The following AGBL4 variants were observed in gnomAD, a reference collection of about 807,000 sequenced individuals.
AGBL4 encodes cytosolic carboxypeptidase 6.
A neutral mutation model predicts 66.4 loss-of-function variants in AGBL4; 58 were observed. The observed-to-expected ratio is 0.87, with a 90% CI of 0.71 to 1.09. The LOEUF is 1.09. AGBL4 is among the 50% of genes least tolerant of loss of function. AGBL4 has a pLI of 0.00. For missense variants in AGBL4, 579 were observed against 631.0 expected (o/e 0.92, Z 0.88); for synonymous variants, 234 against 222.9 (o/e 1.05, Z -0.44).
intron 5 of AGBL4, among the ~76,000 whole-genome samples, chr1:48,992,253 G>A (rs190959398): frequency 3.9e-4 from 59 of 152,114 alleles, no homozygotes; most frequent in Admixed American, 3.5e-3. Context: ...TTGCAGACTC[G>A]TAGATGTACT....
chr1:49,334,094 A>G (rs1193327637), intron 3 of AGBL4, among the ~76,000 whole-genome samples: 3 of 152,168 alleles, frequency 2.0e-5, no homozygotes, highest in Non-Finnish European at 4.4e-5. Flanking sequence ...AGCATCCCTG[A>G]AGTCATGTGC....
chr1:49,220,432 G>A (rs531018615), intron 4 of AGBL4, among the ~76,000 whole-genome samples: 48 of 152,214 alleles, frequency 3.2e-4, no homozygotes, highest in Admixed American at 2.5e-3. Context: ...TGAGATTCAC[G>A]TTCTTCCTTG....
At chr1:48,646,582 G>A (rs1447980155) in intron 8 of AGBL4, among the ~76,000 whole-genome samples, 2 of 146,464 alleles carry the variant, frequency 1.4e-5, no homozygotes, top group African/African-American at 5.0e-5. Context: ...CTTCCCTGGT[G>A]GTTTACCCTC....
chr1:49,454,251 T>C (rs1646342138), intron 3 of AGBL4, among the ~76,000 whole-genome samples: 2 of 151,626 alleles, frequency 1.3e-5, no homozygotes, highest in African/African-American at 4.8e-5. Flanking sequence ...CAAAATAAAC[T>C]CCTGGAGAAG....
intron 1 of AGBL4, among the ~76,000 whole-genome samples, chr1:49,917,947 A>G (rs907573731): frequency 4.6e-5 from 7 of 152,208 alleles, no homozygotes; most frequent in Admixed American, 3.9e-4. Flanking sequence ...AAACAGCTCA[A>G]CTACCTAGAA....
intron 6 of AGBL4, among the ~76,000 whole-genome samples, chr1:48,703,795 C>T (rs764129003): frequency 2.7e-4 from 41 of 151,978 alleles, no homozygotes; most frequent in Non-Finnish European, 5.3e-4. Flanking sequence ...AAGGGGATAT[C>T]AAGAAAAATA....
At chr1:49,031,381 T>G (rs966950894) in intron 5 of AGBL4, among the ~76,000 whole-genome samples, 15 of 151,930 alleles carry the variant, frequency 9.9e-5, no homozygotes, top group African/African-American at 3.6e-4. Context: ...ATATGCAAAA[T>G]AGCCTGATTT....
At chr1:49,727,942 GAT>G (rs1649155082) in intron 2 of AGBL4, among the ~76,000 whole-genome samples, 1 of 152,084 alleles carries the variant, frequency 6.6e-6, no homozygotes, top group Non-Finnish European at 1.5e-5. Context: ...GGTTCAATGA[GAT>G]ATTCCCAGCA....
intron 1 of AGBL4, among the ~76,000 whole-genome samples, chr1:49,907,889 AT>A (rs1441062167): frequency 6.6e-6 from 1 of 151,878 alleles, no homozygotes; most frequent in Non-Finnish European, 1.5e-5. Flanking sequence ...TGGAGAGGCT[AT>A]GTACATGTGG....
chr1:49,772,877 A>G (rs910346714), intron 2 of AGBL4, among the ~76,000 whole-genome samples: 1 of 152,194 alleles, frequency 6.6e-6, no homozygotes, highest in Admixed American at 6.5e-5. Flanking sequence ...CTGAATGTCC[A>G]TATCTCTCAA....
At chr1:49,536,681 C>T (rs1307735783) in intron 3 of AGBL4, among the ~76,000 whole-genome samples, 1 of 152,078 alleles carries the variant, frequency 6.6e-6, no homozygotes. Flanking sequence ...AACAAAATAG[C>T]ATGGTATTGG....
intron 11 of AGBL4, among the ~76,000 whole-genome samples, chr1:48,574,733 C>T (rs925948123): frequency 1.4e-4 from 21 of 152,146 alleles, no homozygotes; most frequent in African/African-American, 4.3e-4. Flanking sequence ...CAAGCACGGC[C>T]ACAACCCCAG....
At chr1:49,458,876 A>T (rs942427758) in intron 3 of AGBL4, among the ~76,000 whole-genome samples, 2 of 151,766 alleles carry the variant, frequency 1.3e-5, no homozygotes, top group Non-Finnish European at 2.9e-5. Context: ...TGACTTGCAG[A>T]TGTTAAACCA....
intron 2 of AGBL4, among the ~76,000 whole-genome samples, chr1:49,755,658 T>C (rs918139284): frequency 1.3e-5 from 2 of 152,196 alleles, no homozygotes; most frequent in African/African-American, 4.8e-5. Flanking sequence ...ATCCATCATA[T>C]TGTGAAATTT....
chr1:48,719,629 A>T lies in AGBL4; in HGVS notation c.635-56388T>A, dbSNP rs188624428. Among the ~76,000 whole-genome samples the T allele has an allele frequency of 1.5e-3, 231 of 152,294 alleles. 1 individual carries two copies. Among genetic ancestry groups the T allele is most frequent in the Admixed American group, 2.7e-3 (41 of 15,302 alleles). The stretch of plus-strand genomic sequence containing the variant: ...ATCTCCCACTACCAGCTTCACTTTC[A>T]TACCTTGAAACATCTGAACTCATCC... On this transcript the variant is annotated intron_variant, in intron 6 of 13. Transcript: ENST00000371839.
chr1:50,023,408 C>G (rs143420918), intron 1 of AGBL4, among the ~76,000 whole-genome samples: 2 of 152,164 alleles, frequency 1.3e-5, no homozygotes, highest in Admixed American at 1.3e-4. Context: ...TCCCACAGGG[C>G]AGTGTACACC....
At chr1:49,227,708 A>C (rs183515417) in intron 4 of AGBL4, among the ~76,000 whole-genome samples, 3 of 152,336 alleles carry the variant, frequency 2.0e-5, no homozygotes, top group African/African-American at 7.2e-5. Flanking sequence ...TGTAGAAATA[A>C]TTTTAATACA....
intron 4 of AGBL4, among the ~76,000 whole-genome samples, chr1:49,190,873 T>C (rs1217892644): frequency 6.6e-6 from 1 of 152,100 alleles, no homozygotes; most frequent in Non-Finnish European, 1.5e-5. Flanking sequence ...CCACTAGAAC[T>C]AGAAATGTGA....
At chr1:49,404,777 A>G (rs1645161243) in intron 3 of AGBL4, among the ~76,000 whole-genome samples, 1 of 152,224 alleles carries the variant, frequency 6.6e-6, no homozygotes, top group Admixed American at 6.5e-5. Flanking sequence ...TAACAAATAA[A>G]ACAAATCTAA....
Sources: allele counts gnomAD v4.1 joint callset (sites outside exome capture counted in the v4.1 genomes callset), GRCh38; gene constraint gnomAD v4.1.1; transcripts MANE v1.5; gene names NCBI Gene and HGNC (gene_info 2026-07-23, HGNC 2026-07-21).